TP73: variants seen among roughly 807,000 people sequenced by gnomAD.
The protein encoded by TP73 is p53-like transcription factor.
TP73 carries 25 observed loss-of-function variants against 62.5 expected under a neutral mutation model. That is an observed-to-expected ratio of 0.40 (90% CI 0.29 to 0.56). The LOEUF is 0.56. Among genes scored for constraint, TP73 ranks in the 20% least tolerant of loss-of-function variants. The pLI is 0.46. For synonymous variants in TP73, 423 were observed against 377.5 expected, an observed-to-expected ratio of 1.12 and a Z score of -1.40; for missense variants, 754 against 913.3, an observed-to-expected ratio of 0.83 and a Z score of 2.25.
At chr1:3,710,164 C>T (rs3753208) in intron 4 of TP73, among the ~76,000 whole-genome samples, 21,478 of 145,074 alleles carry the variant, frequency 0.15, 1,703 homozygotes, top group Middle Eastern at 0.19. Context: ...GACACCTCCT[C>T]GCTCCCTCCC....
chr1:3,729,331 G>A lies in TP73; in HGVS notation c.1079G>A (p.Arg360Gln), dbSNP rs750479695. The part of the protein sequence containing the change: ...GDEDTYYLQV[R>Q]GRENFEILMK... ...GATCTGCTCCTCTGTGCTCAGGTGC[G>A]AGGCCGGGAGAACTTTGAGATCCTG... The change falls in exon 10 of 14, where the codon CGA (arginine) becomes CAA (glutamine). Residue 360 changes from arginine to glutamine, a missense_variant. Physicochemically the swap from Arg to Gln is conservative, Grantham distance 43. Around this residue, in one of 3 missense-constraint regions of TP73, gnomAD observed 458 missense variants for 528.7 expected, o/e 0.87. Transcript: ENST00000378295. 34 of 1,613,162 alleles carry A rather than the reference G, an allele frequency of 2.1e-5. No homozygotes were observed. The South Asian group carries it at 2.4e-4, about 11-fold the overall frequency.
chr1:3,712,830 G>A (rs1372728588), intron 4 of TP73, among the ~76,000 whole-genome samples: 3 of 152,104 alleles, frequency 2.0e-5, no homozygotes, highest in African/African-American at 4.8e-5. Flanking sequence ...GGGCAGAGCC[G>A]GACCTGGCCC....
At position 3,707,627 on chromosome 1, in the gene TP73, C is replaced by T; in HGVS notation, c.265C>T (p.His89Tyr). The T allele has an allele frequency of 6.2e-7, 1 of 1,612,960 alleles. No individual in the cohort carries two copies. Among genetic ancestry groups the T allele is most frequent in the South Asian group, 1.1e-5 (1 of 91,074 alleles). Residue 89 changes from histidine to tyrosine, a missense_variant, in exon 4 of 14, where the codon CAC (histidine) becomes TAC (tyrosine). Physicochemically the swap from His to Tyr is moderately conservative, Grantham distance 83. Around this residue, in one of 3 missense-constraint regions of TP73, gnomAD observed 235 missense variants for 251.4 expected, o/e 0.93. Coordinates refer to ENST00000378295, the MANE Select transcript of TP73 (RefSeq NM_005427.4). ...AASASPYTPE[H>Y]AASVPTHSPY... ...CTCGGCCAGCCCCTACACCCCAGAG[C>T]ACGCCGCCAGCGTGCCCACCCACTC... is the stretch of plus-strand genomic sequence containing the variant.
Position 3,735,645 on chromosome 1 carries a change from A to G in TP73, c.*2566A>G, listed in dbSNP as rs1413337510. Reference sequence around the variant, plus strand: ...TGATATGTTTTTATAAAACTAAACAAATCAACAAATAAATCTTGAAGGCGG... The same window carrying G: ...TGATATGTTTTTATAAAACTAAACAGATCAACAAATAAATCTTGAAGGCGG... On this transcript the variant is annotated 3_prime_UTR_variant, in exon 14 of 14. Transcript: ENST00000378295. 6.6e-6 allele frequency: 1 copy of G among 152,238 alleles called. No individual in the cohort carries two copies. The highest frequency in any genetic ancestry group is 2.4e-5 in the African/African-American group (1 of 41,456). The allele number at this position is 152,238 out of a possible 1,614,324, so 9.4% of individuals were successfully genotyped here. A position where few individuals can be genotyped will look rare whatever the true frequency, so the allele number is the denominator to read the frequency against.
chr1:3,690,635 A>T (rs1255490572), intron 3 of TP73: 1 of 1,363,152 alleles, frequency 7.3e-7, no homozygotes, highest in Non-Finnish European at 9.5e-7. Context: ...ATGAATACTC[A>T]TGAGGAATAA....
chr1:3,720,534 C>T (rs553374380), intron 4 of TP73, among the ~76,000 whole-genome samples: 8 of 152,338 alleles, frequency 5.3e-5, no homozygotes, highest in South Asian at 2.1e-4. Flanking sequence ...GGGTCTCATT[C>T]GGGGAGCCCA....
At chr1:3,667,816 G>A (rs752469179) in intron 1 of TP73, among the ~76,000 whole-genome samples, 7 of 152,104 alleles carry the variant, frequency 4.6e-5, no homozygotes, top group South Asian at 2.1e-4. Context: ...GGCTTGCCCT[G>A]TAGTTCACAT....
In TP73 at chr1:3,711,839, C is replaced by CGT. The variant is rs533054348; in HGVS notation, c.429+4053_429+4054dup. ...GACTCAGCGTGTGTGTGTGCGCGAGCGTGTGTATGTGTGTGTGTGTGTGTG... is the reference window on the plus strand; with the variant it reads ...GACTCAGCGTGTGTGTGTGCGCGAGCGTGTGTGTATGTGTGTGTGTGTGTGTG... On this transcript the variant is annotated intron_variant, in intron 4 of 13. Transcript: ENST00000378295. 2.9e-3 allele frequency among the ~76,000 whole-genome samples: 430 copies of CGT among 146,162 alleles called. 10 individuals carry two copies. In the East Asian group the frequency reaches 0.049, roughly 17 times the overall value.
At chr1:3,680,890 C>T (rs1227688538) in intron 1 of TP73, among the ~76,000 whole-genome samples, 1 of 152,230 alleles carries the variant, frequency 6.6e-6, no homozygotes, top group East Asian at 1.9e-4. Context: ...GGCAGGGCAA[C>T]CAAATTAACT....
In TP73 at chr1:3,680,233, C is replaced by T. The variant is rs1031132389; in HGVS notation, c.-33-2100C>T. 2.0e-5 allele frequency among the ~76,000 whole-genome samples: 3 copies of T among 152,324 alleles called. No homozygotes were observed. In the East Asian group the frequency reaches 5.8e-4, roughly 29 times the overall value. On this transcript the variant is annotated intron_variant, in intron 1 of 13. Coordinates refer to ENST00000378295, the MANE Select transcript of TP73 (RefSeq NM_005427.4). ...CCCACGCTGTAGCATGTCAGAGCTT[C>T]GTTCCTTTTCATGGCCGCGTAATGT...
intron 4 of TP73, among the ~76,000 whole-genome samples, chr1:3,719,392 G>A (rs1353863714): frequency 1.3e-5 from 2 of 152,220 alleles, no homozygotes; most frequent in African/African-American, 2.4e-5. Flanking sequence ...CACGGCTGCC[G>A]GCCCTGTGTT....
At position 3,697,841 on chromosome 1, in the gene TP73, G is replaced by A. The variant is rs563280780; in HGVS notation, c.187-9708G>A. ...GCATGCTGCTGTCTCTCTGGCTCTG[G>A]GGCCTCTGCCCTCTGCCTCGATGGC... On this transcript the variant is annotated intron_variant, in intron 3 of 13. Coordinates refer to ENST00000378295, the MANE Select transcript of TP73 (RefSeq NM_005427.4). Among the ~76,000 whole-genome samples the A allele has an allele frequency of 4.6e-5, 7 of 152,322 alleles. No individual in the cohort carries two copies. In the South Asian group the frequency reaches 1.4e-3, roughly 32 times the overall value.
rs528435602 is a variant in TP73, at chr1:3,699,140, T to A, written c.187-8409T>A. Reference sequence around the variant, plus strand: ...GTGCACATTGTCGGGAGAGGGAGGCTTCCCCCCAGCCGCATGTCGAATCTT... The same window carrying A: ...GTGCACATTGTCGGGAGAGGGAGGCATCCCCCCAGCCGCATGTCGAATCTT... On this transcript the variant is annotated intron_variant, in intron 3 of 13. Transcript: ENST00000378295. This position sits in a 1 kb window ranked among gnomAD's most constrained non-coding sequence, Gnocchi z 4.1. Among the ~76,000 whole-genome samples, 51 of 151,974 alleles carry A rather than the reference T, an allele frequency of 3.4e-4. No individual in the cohort carries two copies. The East Asian group carries it at 4.1e-3, about 12-fold the overall frequency.
chr1:3,692,273 A>AGT (rs376671560), intron 3 of TP73, among the ~76,000 whole-genome samples: 2 of 151,764 alleles, frequency 1.3e-5, no homozygotes, highest in Middle Eastern at 3.2e-3. Context: ...GAAGAGAGGC[A>AGT]GTGTGTGTGT....
chr1:3,722,000 G>C (rs779927603), intron 4 of TP73, 21 bp from the exon 5 acceptor site: 1 of 1,587,066 alleles, frequency 6.3e-7, no homozygotes, highest in Non-Finnish European at 8.6e-7. Context: ...GGTCTCACCC[G>C]CTCCCTCTCC....
intron 4 of TP73, among the ~76,000 whole-genome samples, chr1:3,718,605 G>A (rs1640809348): frequency 1.3e-5 from 2 of 152,158 alleles, no homozygotes; most frequent in Non-Finnish European, 1.5e-5. Context: ...AACCCCTCAC[G>A]CTGTTGAGAC....
chr1:3,680,985 T>C (rs192689646), intron 1 of TP73, among the ~76,000 whole-genome samples: 273 of 152,370 alleles, frequency 1.8e-3, no homozygotes, highest in Middle Eastern at 6.8e-3. Flanking sequence ...CCTCTGAGCC[T>C]TGGGGCTCCT....
In TP73 at chr1:3,662,692, A is replaced by G. The variant is rs914127576; in HGVS notation, c.-34+10051A>G. On this transcript the variant is annotated intron_variant, in intron 1 of 13. Transcript: ENST00000378295. This position sits in a 1 kb window ranked among gnomAD's most constrained non-coding sequence, Gnocchi z 4.4. ...GTGGCACATTCTGCCCCCTCAAGCC[A>G]TGTTTTGGGGTGGGGTGGCGTGTCC... 6.6e-6 allele frequency among the ~76,000 whole-genome samples: 1 copy of G among 152,108 alleles called. No individual in the cohort carries two copies. The highest frequency in any genetic ancestry group is 1.5e-5 in the Non-Finnish European group (1 of 68,004).
chr1:3,688,259 G>A (rs977541305), intron 3 of TP73, among the ~76,000 whole-genome samples: 1 of 152,324 alleles, frequency 6.6e-6, no homozygotes, highest in East Asian at 1.9e-4. Context: ...CTGCACAGAA[G>A]TGAACCCCAC....
Sources: gnomAD v4.1 joint callset for allele counts (sites outside exome capture counted in the v4.1 genomes callset) on GRCh38, gnomAD v4.1.1 for gene constraint, gnomAD v4.1.1 regional missense constraint, Gnocchi (gnomAD v3.1) non-coding constraint, MANE v1.5 for transcripts, NCBI Gene and HGNC (gene_info 2026-07-23, HGNC 2026-07-21) for gene names.